Variants in LHFPL3 observed in about 807,000 individuals in gnomAD.
LHFPL3 encodes LHFPL tetraspan subfamily member 3 protein.
Under a neutral mutation model 19.3 loss-of-function variants are expected in LHFPL3, and 5 were observed. The observed-to-expected ratio is 0.26, with a 90% CI of 0.14 to 0.54. The LOEUF is 0.54. Ranked by LOEUF, LHFPL3 falls within the 20% of genes least tolerant of loss-of-function variation. LHFPL3 has a pLI of 0.94. For missense variants in LHFPL3, 249 were observed against 307.4 expected, an observed-to-expected ratio of 0.81 and a Z score of 1.42; for synonymous variants, 133 against 126.2, an observed-to-expected ratio of 1.05 and a Z score of -0.36.
intron 1 of LHFPL3, among the ~76,000 whole-genome samples, chr7:104,429,301 CTTTTT>C (rs71823474): frequency 4.7e-5 from 4 of 84,534 alleles, no homozygotes; most frequent in South Asian, 4.2e-4. Context: ...TATGTCATTC[CTTTTT>C]TTTTTTTTTT....
chr7:104,839,510 A>T (rs1791155993), intron 2 of LHFPL3, among the ~76,000 whole-genome samples: 1 of 152,054 alleles, frequency 6.6e-6, no homozygotes, highest in Non-Finnish European at 1.5e-5. Flanking sequence ...TCTACTAGAA[A>T]TACAAAAAAT....
At chr7:104,759,359 C>A (rs748779502) in intron 2 of LHFPL3, among the ~76,000 whole-genome samples, 6 of 151,906 alleles carry the variant, frequency 3.9e-5, no homozygotes, top group Non-Finnish European at 7.4e-5. Context: ...CCTGTAGCCA[C>A]AGTTTAAATT....
At chr7:104,845,202 G>A (rs1479084737) in intron 2 of LHFPL3, among the ~76,000 whole-genome samples, 3 of 152,184 alleles carry the variant, frequency 2.0e-5, no homozygotes, top group Non-Finnish European at 4.4e-5. Context: ...TATGAACCAG[G>A]CAGTCTGGCT....
intron 1 of LHFPL3, among the ~76,000 whole-genome samples, chr7:104,405,689 G>C (rs759533341): frequency 6.6e-6 from 1 of 152,174 alleles, no homozygotes; most frequent in Non-Finnish European, 1.5e-5. Context: ...TAACCACTAT[G>C]TTATACTGCC....
chr7:104,736,436 T>C (rs566377203), intron 1 of LHFPL3, among the ~76,000 whole-genome samples: 1 of 152,048 alleles, frequency 6.6e-6, no homozygotes, highest in African/African-American at 2.4e-5. Flanking sequence ...ATTCCCAGAG[T>C]TTCTTTCAAT....
intron 1 of LHFPL3, among the ~76,000 whole-genome samples, chr7:104,501,541 C>T (rs1356589846): frequency 6.6e-6 from 1 of 152,094 alleles, no homozygotes; most frequent in African/African-American, 2.4e-5. Context: ...ACTAAAGATA[C>T]ACCTCTATCC....
At chr7:104,529,487 T>C (rs1794253601) in intron 1 of LHFPL3, among the ~76,000 whole-genome samples, 2 of 152,178 alleles carry the variant, frequency 1.3e-5, no homozygotes, top group African/African-American at 4.8e-5. Context: ...AATCTCATCA[T>C]TTAAGACATA....
rs1305983432 is a variant in LHFPL3, at chr7:104,492,427, CT to C, written c.445+163204del. On this transcript the variant is annotated intron_variant, in intron 1 of 2. Transcript: ENST00000424859. Reference sequence around the variant, plus strand: ...CAAGCTGGTTATCTCTCGAATGGATCTGTTCAAGACATGTCAGACCCGGGAC... The same window carrying C: ...CAAGCTGGTTATCTCTCGAATGGATCGTTCAAGACATGTCAGACCCGGGAC... 4.7e-4 allele frequency among the ~76,000 whole-genome samples: 71 copies of C among 152,182 alleles called. 1 individual carries two copies. The highest frequency in any genetic ancestry group is 4.6e-3 in the Admixed American group (70 of 15,282).
chr7:104,712,365 C>A lies in LHFPL3; in HGVS notation c.446-24310C>A, dbSNP rs1163617185. On this transcript the variant is annotated intron_variant, in intron 1 of 2. Coordinates refer to ENST00000424859, the MANE Select transcript of LHFPL3 (RefSeq NM_199000.3). The stretch of plus-strand genomic sequence containing the variant: ...GGTCCACTTCTTGGTTTGCCAACAG[C>A]TGTCTTTTTGTTGTATCCTCACATG... Among the ~76,000 whole-genome samples, 5 of 152,282 alleles carry A rather than the reference C, an allele frequency of 3.3e-5. No individual in the cohort carries two copies. The East Asian group carries it at 9.6e-4, about 29-fold the overall frequency.
intron 1 of LHFPL3, among the ~76,000 whole-genome samples, chr7:104,630,365 G>A (rs997052930): frequency 2.6e-5 from 4 of 152,160 alleles, no homozygotes; most frequent in Non-Finnish European, 5.9e-5. Flanking sequence ...ATGGAATTAA[G>A]AGGTAATTGC....
intron 2 of LHFPL3, among the ~76,000 whole-genome samples, chr7:104,739,324 C>T (rs532322593): frequency 7.2e-5 from 11 of 152,050 alleles, no homozygotes; most frequent in Non-Finnish European, 1.5e-4. Context: ...AGATTGTTTG[C>T]GGAAAGACCA....
At chr7:104,867,292 G>C (rs1182038266) in intron 2 of LHFPL3, among the ~76,000 whole-genome samples, 2 of 152,092 alleles carry the variant, frequency 1.3e-5, no homozygotes, top group Admixed American at 6.6e-5. Context: ...TCCAGGAGCT[G>C]GTTTTTTGAA....
intron 1 of LHFPL3, among the ~76,000 whole-genome samples, chr7:104,465,830 C>T (rs1403863439): frequency 6.6e-6 from 1 of 152,198 alleles, no homozygotes; most frequent in Non-Finnish European, 1.5e-5. Flanking sequence ...CATTATTCAC[C>T]TAAAAGTCAT....
chr7:104,406,891 C>CTTT lies in LHFPL3; in HGVS notation c.445+77668_445+77669insTTT, dbSNP rs143605824. On this transcript the variant is annotated intron_variant, in intron 1 of 2. Coordinates refer to ENST00000424859, the MANE Select transcript of LHFPL3 (RefSeq NM_199000.3). ...CAGGGTAGCTGCATAGTCTATCTTTCTGGAAACCTGTGTTTAATAACTTAT... is the reference window on the plus strand; with the variant it reads ...CAGGGTAGCTGCATAGTCTATCTTTCTTTTGGAAACCTGTGTTTAATAACTTAT... 6.0e-3 allele frequency among the ~76,000 whole-genome samples: 909 copies of CTTT among 152,334 alleles called. 70 individuals are homozygous for CTTT. In the East Asian group the frequency reaches 0.16, roughly 26 times the overall value.
chr7:104,848,214 T>G (rs1360104254), intron 2 of LHFPL3, among the ~76,000 whole-genome samples: 1 of 152,148 alleles, frequency 6.6e-6, no homozygotes, highest in Non-Finnish European at 1.5e-5. Flanking sequence ...TGCATGGCAC[T>G]TCACATGAGA....
intron 1 of LHFPL3, among the ~76,000 whole-genome samples, chr7:104,459,213 T>A (rs1432584883): frequency 6.6e-6 from 1 of 152,252 alleles, no homozygotes; most frequent in Non-Finnish European, 1.5e-5. Flanking sequence ...ATGTCTTATT[T>A]TTGAAATATC....
chr7:104,795,166 T>C (rs759406672), intron 2 of LHFPL3, among the ~76,000 whole-genome samples: 3 of 152,226 alleles, frequency 2.0e-5, no homozygotes, highest in Non-Finnish European at 2.9e-5. Flanking sequence ...CCATTCGTCT[T>C]CTGAATCCCA....
intron 1 of LHFPL3, among the ~76,000 whole-genome samples, chr7:104,565,714 T>C (rs2115968857): frequency 8.3e-6 from 1 of 120,550 alleles, no homozygotes; most frequent in South Asian, 3.0e-4. Context: ...CACCTTCCTG[T>C]CTGTCTGTCT....
chr7:104,548,458 G>C (rs1794610249), intron 1 of LHFPL3, among the ~76,000 whole-genome samples: 2 of 152,158 alleles, frequency 1.3e-5, no homozygotes, highest in South Asian at 4.1e-4. Context: ...AAGTTTATTT[G>C]CCATCAAGTT....
Sources: gnomAD v4.1 joint callset for allele counts (sites outside exome capture counted in the v4.1 genomes callset) on GRCh38, gnomAD v4.1.1 for gene constraint, MANE v1.5 for transcripts, NCBI Gene and HGNC (gene_info 2026-07-23, HGNC 2026-07-21) for gene names.